MTMR2: variants seen among roughly 807,000 people sequenced by gnomAD.
MTMR2 encodes the protein phosphatidylinositol-3,5-bisphosphate 3-phosphatase MTMR2.
Under a neutral mutation model 86.9 loss-of-function variants are expected in MTMR2, and 55 were observed. That is an observed-to-expected ratio of 0.63 (90% CI 0.51 to 0.79). MTMR2 has a LOEUF of 0.79. Ranked by LOEUF, MTMR2 falls within the 30% of genes least tolerant of loss-of-function variation. MTMR2 has a pLI of 0.00. For synonymous variants in MTMR2, 241 were observed against 266.8 expected (o/e 0.90, Z 0.94); for missense variants, 659 against 772.3 (o/e 0.85, Z 1.74).
chr11:95,889,945 G>A (rs506180), intron 1 of MTMR2, among the ~76,000 whole-genome samples: 91,561 of 152,040 alleles, frequency 0.6, 29,680 homozygotes, highest in African/African-American at 0.86. Flanking sequence ...TTTTCACTAG[G>A]TTTTGATGAA....
chr11:95,892,274 T>C (rs1219012233), intron 1 of MTMR2, among the ~76,000 whole-genome samples: 2 of 152,184 alleles, frequency 1.3e-5, no homozygotes, highest in Non-Finnish European at 2.9e-5. Context: ...CCCTAATCTA[T>C]TTAATAACAT....
chr11:95,870,146 T>C (rs915031488), intron 2 of MTMR2, among the ~76,000 whole-genome samples: 2 of 152,172 alleles, frequency 1.3e-5, no homozygotes, highest in African/African-American at 4.8e-5. Flanking sequence ...CATCAAAAAG[T>C]AAGCCAGATA....
In MTMR2 at chr11:95,835,284, A is replaced by T; in HGVS notation, c.*6T>A. ...ATAGCAATGATGCCCCTGATCTTAC[A>T]GTCCTTTATACAACAGTTTGGACAG... On this transcript the variant is annotated 3_prime_UTR_variant, in exon 15 of 15. Transcript: ENST00000346299. 6.2e-7 allele frequency: 1 copy of T among 1,612,514 alleles called. No homozygotes were observed. The highest frequency in any genetic ancestry group is 8.5e-7 in the Non-Finnish European group (1 of 1,178,944).
At chr11:95,895,728 A>G (rs910242160) in intron 1 of MTMR2, among the ~76,000 whole-genome samples, 1 of 152,162 alleles carries the variant, frequency 6.6e-6, no homozygotes. Context: ...CAATTACCCT[A>G]TGACCCAGCA....
chr11:95,910,127 G>GCACACACACA (rs71040121), intron 1 of MTMR2, among the ~76,000 whole-genome samples: 3 of 147,190 alleles, frequency 2.0e-5, no homozygotes, highest in Admixed American at 6.8e-5. Flanking sequence ...ACGCATGCAC[G>GCACACACACA]CACACACACA....
chr11:95,895,038 T>G (rs1183982447), intron 1 of MTMR2, among the ~76,000 whole-genome samples: 1 of 152,124 alleles, frequency 6.6e-6, no homozygotes, highest in East Asian at 1.9e-4. Flanking sequence ...ACCACGCCCT[T>G]TCTATATACA....
At position 95,836,054 on chromosome 11, in the gene MTMR2, TA is replaced by T. The variant is rs1863259497; in HGVS notation, c.1770+93del. On this transcript the variant is annotated intron_variant, in intron 14 of 14. Coordinates refer to ENST00000346299, the MANE Select transcript of MTMR2 (RefSeq NM_016156.6). ...TATCAATGGGTAAGGAGTAAAGTTT[TA>T]AATATGCACAGATAATCTTTCCAGC... is the stretch of plus-strand genomic sequence containing the variant. 2.6e-5 allele frequency: 33 copies of T among 1,259,902 alleles called. No homozygotes were observed. In the South Asian group the frequency reaches 4.0e-4, roughly 15 times the overall value. The allele number at this position is 1,259,902 out of a possible 1,614,324, so 78.0% of individuals were successfully genotyped here. A position where few individuals can be genotyped will look rare whatever the true frequency, so the allele number is the denominator to read the frequency against.
In MTMR2 at chr11:95,858,543, G is replaced by A. The variant is rs1356424133; in HGVS notation, c.558C>T (p.Val186=). Residue 186 remains valine, a synonymous_variant, in exon 6 of 15, where the codon GTC becomes GTT. Transcript: ENST00000346299. The part of the protein sequence containing the change: ...FENLMKYAFP[V]SNNLPLFAFE... ...GGAAACATTTTACCAGGTTATTAGA[G>A]ACAGGAAATGCATATTTCATTAGAT... 6.2e-7 allele frequency: 1 copy of A among 1,608,192 alleles called. No individual in the cohort carries two copies. Among genetic ancestry groups the A allele is most frequent in the Non-Finnish European group, 8.5e-7 (1 of 1,174,854 alleles).
intron 1 of MTMR2, among the ~76,000 whole-genome samples, chr11:95,888,487 A>C (rs2135549682): frequency 6.6e-6 from 1 of 152,324 alleles, no homozygotes; most frequent in African/African-American, 2.4e-5. Flanking sequence ...CCCAATACTC[A>C]TGAAGACACT....
intron 10 of MTMR2, among the ~76,000 whole-genome samples, chr11:95,846,591 T>C (rs1029565941): frequency 1.2e-4 from 19 of 152,206 alleles, no homozygotes; most frequent in South Asian, 6.2e-4. Flanking sequence ...GTGATAAGGA[T>C]TGGGGGAGAA....
In MTMR2 at chr11:95,877,331, C is replaced by CTTTTTTTTTTTTTTTTTTTTTT. The variant is rs1565368414; in HGVS notation, c.186+10824_186+10825insAAAAAAAAAAAAAAAAAAAAAA. 5.3e-5 allele frequency among the ~76,000 whole-genome samples: 5 copies of CTTTTTTTTTTTTTTTTTTTTTT among 94,716 alleles called. 1 individual carries two copies. Among genetic ancestry groups the CTTTTTTTTTTTTTTTTTTTTTT allele is most frequent in the African/African-American group, 2.0e-4 (4 of 20,152 alleles). The allele number at this position is 94,716 out of a possible 152,430, so 62.1% of individuals were successfully genotyped here. A position where few individuals can be genotyped will look rare whatever the true frequency, so the allele number is the denominator to read the frequency against. On this transcript the variant is annotated intron_variant, in intron 2 of 14. Transcript: ENST00000346299. ...CATTCAAGATCAAGCACAGGGAAGC[C>CTTTTTTTTTTTTTTTTTTTTTT]CTTTTTTTTTTTTTTTTTTTTTTTT...
intron 12 of MTMR2, among the ~76,000 whole-genome samples, chr11:95,840,487 C>T (rs1197092439): frequency 6.6e-6 from 1 of 152,098 alleles, no homozygotes; most frequent in Non-Finnish European, 1.5e-5. Flanking sequence ...TTAAACACTG[C>T]ACCTCTCCTT....
chr11:95,875,225 A>G (rs1865060312), intron 2 of MTMR2, among the ~76,000 whole-genome samples: 1 of 152,194 alleles, frequency 6.6e-6, no homozygotes, highest in South Asian at 2.1e-4. Context: ...CGTCACTTTC[A>G]GGTACACCAA....
At position 95,850,652 on chromosome 11, in the gene MTMR2, G is replaced by A. The variant is rs761918973; in HGVS notation, c.752C>T (p.Pro251Leu). 9.3e-6 allele frequency: 15 copies of A among 1,614,050 alleles called. No individual in the cohort carries two copies. Among genetic ancestry groups the A allele is most frequent in the Non-Finnish European group, 1.3e-5 (15 of 1,179,972 alleles). ...TGCCACTCTCTTTAATTCTTCATCA[G>A]GAATATTTGCTGGCACAACCAGGAG... The part of the protein sequence containing the change: ...PALLVVPANI[P>L]DEELKRVASF... The change falls in exon 8 of 15, where the codon CCT (proline) becomes CTT (leucine). Residue 251 changes from proline (P) to leucine (L), a missense_variant. Around this residue, in one of 3 missense-constraint regions of MTMR2, gnomAD observed 387 missense variants for 526.3 expected, o/e 0.74. Coordinates refer to ENST00000346299, the MANE Select transcript of MTMR2 (RefSeq NM_016156.6).
chr11:95,845,100 C>A lies in MTMR2; in HGVS notation c.1239G>T (p.Val413=), dbSNP rs746601025. The part of the protein sequence containing the change: ...ADKVESGKTS[V]VVHCSDGWDR... ...CCCAACCATCACTGCAATGCACTAC[C>A]ACAGACGTCTTCCCTGACTCTACCT... The change falls in exon 11 of 15, where the codon GTG becomes GTT. Residue 413 remains valine (V), a synonymous_variant. Coordinates refer to ENST00000346299, the MANE Select transcript of MTMR2 (RefSeq NM_016156.6). The A allele has an allele frequency of 6.2e-7, 1 of 1,613,850 alleles. No individual in the cohort carries two copies.
intron 7 of MTMR2, among the ~76,000 whole-genome samples, chr11:95,851,351 C>T (rs903104764): frequency 2.0e-5 from 3 of 150,926 alleles, no homozygotes; most frequent in Non-Finnish European, 4.4e-5. Context: ...CCAAATGTTC[C>T]TATTCTTTAT....
rs534863305 is a variant in MTMR2, at chr11:95,879,847, T to G, written c.186+8309A>C. ...ACTTCAGGATTATCTTGTCAAATTT[T>G]AACCATATTATTTATAGAATAAGCA... is the stretch of plus-strand genomic sequence containing the variant. On this transcript the variant is annotated intron_variant, in intron 2 of 14. Transcript: ENST00000346299. Among the ~76,000 whole-genome samples, 4 of 152,250 alleles carry G rather than the reference T, an allele frequency of 2.6e-5. No homozygotes were observed. The South Asian group carries it at 8.3e-4, about 32-fold the overall frequency.
Position 95,903,401 on chromosome 11 carries a change from T to G in MTMR2, c.81-15140A>C, listed in dbSNP as rs74367428. On this transcript the variant is annotated intron_variant, in intron 1 of 14. Transcript: ENST00000346299. ...TTGCCCTTGCTTACTTCATAGTACT[T>G]ACTTGTCAACACGGAAAGCTGCTTA... Among the ~76,000 whole-genome samples the G allele has an allele frequency of 4.0e-3, 616 of 152,292 alleles. 4 individuals carry two copies. Among genetic ancestry groups the G allele is most frequent in the African/African-American group, 0.014 (593 of 41,560 alleles).
chr11:95,849,872 GA>G lies in MTMR2; in HGVS notation c.805-11del. ...GAATCCATGATAAAACCTTAATGAG[GA>G]AAAAATGGTAACACACCTTTTACAT... On this transcript the variant is annotated splice_polypyrimidine_tract_variant and intron_variant, in intron 8 of 14. Coordinates refer to ENST00000346299, the MANE Select transcript of MTMR2 (RefSeq NM_016156.6). 2 of 1,611,546 alleles carry G rather than the reference GA, an allele frequency of 1.2e-6. No individual in the cohort carries two copies. The highest frequency in any genetic ancestry group is 1.7e-6 in the Non-Finnish European group (2 of 1,177,972).
Sources: gnomAD v4.1 joint callset for allele counts (sites outside exome capture counted in the v4.1 genomes callset) on GRCh38, gnomAD v4.1.1 for gene constraint, gnomAD v4.1.1 regional missense constraint, MANE v1.5 for transcripts, NCBI Gene and HGNC (gene_info 2026-07-23, HGNC 2026-07-21) for gene names.